The following DMD variants were observed in gnomAD, a reference collection of about 807,000 sequenced individuals.
DMD encodes dystrophin, also known as mutant dystrophin.
In DMD, 63 loss-of-function variants were observed where a neutral mutation model predicts 330.1. The observed-to-expected ratio is 0.19, with a 90% confidence interval of 0.16 to 0.24. The LOEUF (loss-of-function observed/expected upper bound fraction) is 0.24, where lower values mean the gene tolerates loss of function less well. Ranked by LOEUF, DMD falls within the 10% of genes least tolerant of loss-of-function variation. The probability of loss-of-function intolerance (pLI) is 1.00; values close to 1 mark genes in which losing one functional copy is unlikely to be tolerated. For missense variants in DMD, 3,344 were observed against 2,684.1 expected, an observed-to-expected ratio of 1.25 and a Z score of -5.43; for synonymous variants, 1,223 against 959.8, an observed-to-expected ratio of 1.27 and a Z score of -5.07.
chrX:32,153,612 T>G (rs1173837978), intron 44 of DMD, among the ~76,000 whole-genome samples: 1 of 112,311 alleles, frequency 8.9e-6, no homozygotes, highest in Non-Finnish European at 1.9e-5. Context: ...TATTTTGTTT[T>G]TGGAACTTCA....
intron 44 of DMD, among the ~76,000 whole-genome samples, chrX:32,184,969 T>C (rs1286245040): frequency 9.2e-6 from 1 of 108,643 alleles, no homozygotes. Context: ...CCCAGGTTAC[T>C]CCACTGTGAG....
chrX:31,980,561 A>C (rs1056352676), intron 44 of DMD, among the ~76,000 whole-genome samples: 1 of 111,680 alleles, frequency 9.0e-6, no homozygotes, highest in African/African-American at 3.2e-5. Context: ...TTTCTGAGGT[A>C]ATGGAAATTT....
intron 62 of DMD, among the ~76,000 whole-genome samples, chrX:31,268,766 T>C (rs935237464): frequency 1.8e-5 from 2 of 112,272 alleles, no homozygotes; most frequent in African/African-American, 3.2e-5. Flanking sequence ...AGCATGGACA[T>C]TTGTAAATAT....
intron 62 of DMD, among the ~76,000 whole-genome samples, chrX:31,321,774 G>A (rs1036803019): frequency 1.8e-5 from 2 of 110,047 alleles, no homozygotes; most frequent in Admixed American, 9.7e-5. Flanking sequence ...GGTACATGAA[G>A]GAGCATTGGA....
intron 1 of DMD, among the ~76,000 whole-genome samples, chrX:33,318,753 C>T (rs111623225): frequency 9.1e-4 from 101 of 110,454 alleles, no homozygotes; most frequent in African/African-American, 3.2e-3. Flanking sequence ...GGCCTACTTC[C>T]TCAGTCTTAC....
At chrX:31,635,432 T>G (rs1032079724) in intron 54 of DMD, among the ~76,000 whole-genome samples, 1 of 111,784 alleles carries the variant, frequency 8.9e-6, no homozygotes, top group African/African-American at 3.2e-5. Flanking sequence ...GTTATATATA[T>G]CCTCATCCAC....
chrX:32,730,447 A>G (rs1382913860), intron 7 of DMD, among the ~76,000 whole-genome samples: 1 of 112,562 alleles, frequency 8.9e-6, no homozygotes, highest in African/African-American at 3.2e-5. Flanking sequence ...GTAGGACACA[A>G]AAACAATTTG....
intron 1 of DMD, among the ~76,000 whole-genome samples, chrX:33,161,454 T>G (rs1315556277): frequency 8.9e-6 from 1 of 111,763 alleles, no homozygotes; most frequent in Non-Finnish European, 1.9e-5. Context: ...GTTCAGTATT[T>G]TAGGAACCAG....
At chrX:32,649,890 T>C (rs1483159725) in intron 9 of DMD, among the ~76,000 whole-genome samples, 1 of 111,250 alleles carries the variant, frequency 9.0e-6, no homozygotes, top group African/African-American at 3.3e-5. Flanking sequence ...TATACGTACG[T>C]AAGGCTGCTG....
intron 9 of DMD, among the ~76,000 whole-genome samples, chrX:32,686,578 A>AAAAAAG (rs1556919375): frequency 1.5e-3 from 161 of 105,541 alleles, no homozygotes; most frequent in Non-Finnish European, 2.6e-3. Flanking sequence ...AAAAAAAAAA[A>AAAAAAG]AAAAGAAAAG....
At chrX:32,689,298 C>G (rs1226244157) in intron 9 of DMD, among the ~76,000 whole-genome samples, 1 of 110,230 alleles carries the variant, frequency 9.1e-6, no homozygotes, top group Non-Finnish European at 1.9e-5. Flanking sequence ...AATTTTACAC[C>G]AAGAAACTGT....
intron 2 of DMD, among the ~76,000 whole-genome samples, chrX:32,939,728 A>T (rs1184484902): frequency 9.0e-6 from 1 of 111,522 alleles, no homozygotes; most frequent in South Asian, 3.7e-4. Context: ...AAATCAATAT[A>T]CAAAAATCAG....
At position 31,318,579 on chromosome X, in the gene DMD, G is replaced by A. The variant is rs140291657; in HGVS notation, c.9224+5019C>T. 1.1e-3 allele frequency among the ~76,000 whole-genome samples: 119 copies of A among 112,443 alleles called. 1 individual carries two copies. The highest frequency in any genetic ancestry group is 3.6e-3 in the African/African-American group (112 of 30,958). Reference sequence around the variant, plus strand: ...TGGTTGTGGAAACATGCCTGAGATTGAGAGTGAAGAGAAGGGTCGATCAAG... The same window carrying A: ...TGGTTGTGGAAACATGCCTGAGATTAAGAGTGAAGAGAAGGGTCGATCAAG... On this transcript the variant is annotated intron_variant, in intron 62 of 78. Transcript: ENST00000357033.
At position 32,459,826 on chromosome X, in the gene DMD, C is replaced by T. The variant is rs146422458; in HGVS notation, c.3432+3613G>A. The stretch of plus-strand genomic sequence containing the variant: ...TCATGTTAGGATAGGAATAATACTT[C>T]TGGGTAGATGTAAGTGTGAAAGTCC... On this transcript the variant is annotated intron_variant, in intron 25 of 78. Coordinates refer to ENST00000357033, the MANE Select transcript of DMD (RefSeq NM_004006.3). Among the ~76,000 whole-genome samples, 433 of 110,995 alleles carry T rather than the reference C, an allele frequency of 3.9e-3. 4 individuals carry two copies. Among genetic ancestry groups the T allele is most frequent in the African/African-American group, 0.014 (420 of 30,659 alleles).
At chrX:32,494,009 T>C (rs1489797501) in intron 19 of DMD, among the ~76,000 whole-genome samples, 2 of 111,706 alleles carry the variant, frequency 1.8e-5, no homozygotes, top group African/African-American at 6.5e-5. Context: ...TCACTTTGTG[T>C]CCCTGAGAAA....
intron 7 of DMD, among the ~76,000 whole-genome samples, chrX:32,701,300 G>A (rs1016900693): frequency 8.9e-6 from 1 of 111,770 alleles, no homozygotes; most frequent in African/African-American, 3.2e-5. Context: ...AATGCACAAG[G>A]CTGAAAGGTA....
intron 2 of DMD, among the ~76,000 whole-genome samples, chrX:32,943,155 G>C (rs917633578): frequency 9.0e-6 from 1 of 111,148 alleles, no homozygotes; most frequent in Non-Finnish European, 1.9e-5. Flanking sequence ...CTGCCTCTGA[G>C]GAGTGAGAAA....
chrX:32,187,301 C>T (rs1879017536), intron 44 of DMD, among the ~76,000 whole-genome samples: 1 of 111,065 alleles, frequency 9.0e-6, no homozygotes, highest in Admixed American at 9.6e-5. Flanking sequence ...CCAGACCATA[C>T]TTGTGGGAAA....
At chrX:32,940,175 A>G (rs573141514) in intron 2 of DMD, among the ~76,000 whole-genome samples, 3 of 112,075 alleles carry the variant, frequency 2.7e-5, no homozygotes, top group East Asian at 2.8e-4. Context: ...TCAGTTACAT[A>G]CAATGAATAA....
Sources: gnomAD v4.1 joint callset for allele counts (sites outside exome capture counted in the v4.1 genomes callset) on GRCh38, gnomAD v4.1.1 for gene constraint, MANE v1.5 for transcripts, NCBI Gene and HGNC (gene_info 2026-07-23, HGNC 2026-07-21) for gene names.